The following PRKAR2A variants were observed in gnomAD, a reference collection of about 807,000 sequenced individuals.
PRKAR2A encodes the protein protein kinase cAMP-dependent type II regulatory subunit alpha.
PRKAR2A carries 29 observed loss-of-function variants against 51.9 expected under a neutral mutation model. The observed-to-expected ratio is 0.56, with a 90% CI of 0.42 to 0.76. PRKAR2A has a LOEUF of 0.76. PRKAR2A is among the 30% of genes least tolerant of loss of function. The pLI, the probability that PRKAR2A is intolerant of heterozygous loss-of-function variation, is 0.00. For synonymous variants in PRKAR2A, 178 were observed against 186.2 expected (o/e 0.96, Z 0.36); for missense variants, 445 against 512.1 (o/e 0.87, Z 1.26).
At chr3:48,764,015 T>C (rs1447274918) in intron 8 of PRKAR2A, among the ~76,000 whole-genome samples, 5 of 152,162 alleles carry the variant, frequency 3.3e-5, no homozygotes, top group Admixed American at 1.3e-4. Flanking sequence ...TGTGTTCTAG[T>C]GGGGCCAACT....
intron 1 of PRKAR2A, among the ~76,000 whole-genome samples, chr3:48,813,335 C>T (rs62261504): frequency 4.0e-5 from 6 of 151,514 alleles, no homozygotes; most frequent in South Asian, 2.1e-4. Flanking sequence ...TCCAGGAGTT[C>T]GAGGTTTCAG....
chr3:48,752,292 T>C lies in PRKAR2A; in HGVS notation c.965A>G (p.Asn322Ser). 5 of 1,614,054 alleles carry C rather than the reference T, an allele frequency of 3.1e-6. No homozygotes were observed. Among genetic ancestry groups the C allele is most frequent in the Non-Finnish European group, 4.2e-6 (5 of 1,179,998 alleles). Reference sequence around the variant, plus strand: ...GCAGCGGGCAATCTCGACCTCCTGGTTCCCACCATCCTTGTTTGATTTAGT... The same window carrying C: ...GCAGCGGGCAATCTCGACCTCCTGGCTCCCACCATCCTTGTTTGATTTAGT... ...SRTKSNKDGGNQEVEIARCHK... is the reference protein window; with the variant it reads ...SRTKSNKDGGSQEVEIARCHK... Residue 322 changes from asparagine (N) to serine (S), a missense_variant, in exon 10 of 11, where the codon AAC becomes AGC. Transcript: ENST00000265563.
chr3:48,794,154 CTTTTTTTTTTTTTT>C, intron 2 of PRKAR2A, 105 bp from the exon 3 acceptor site: 1 of 662,410 alleles, frequency 1.5e-6, no homozygotes, highest in Non-Finnish European at 2.3e-6. Flanking sequence ...GTTTTCTTTT[CTTTTTTTTTTTTTT>C]GAGACAGAGT....
At chr3:48,830,794 C>T (rs2083174502) in intron 1 of PRKAR2A, among the ~76,000 whole-genome samples, 1 of 152,172 alleles carries the variant, frequency 6.6e-6, no homozygotes, top group Non-Finnish European at 1.5e-5. Flanking sequence ...TTCAACTAGA[C>T]AGTCCCATCT....
chr3:48,748,694 CCT>C lies in PRKAR2A; in HGVS notation c.*2889_*2890del, dbSNP rs776723206. On this transcript the variant is annotated 3_prime_UTR_variant, in exon 11 of 11. Transcript: ENST00000265563. ...AATCCTTACAAGTTCTGGGGCTGGACCTCTGTGTCACTCCTGAATCCCAATGT... is the reference window on the plus strand; with the variant it reads ...AATCCTTACAAGTTCTGGGGCTGGACCTGTGTCACTCCTGAATCCCAATGT... 2 of 152,188 alleles carry C rather than the reference CCT, an allele frequency of 1.3e-5. No homozygotes were observed. The highest frequency in any genetic ancestry group is 2.9e-5 in the Non-Finnish European group (2 of 68,070). The allele number at this position is 152,188 out of a possible 1,614,324, so 9.4% of individuals were successfully genotyped here.
intron 1 of PRKAR2A, among the ~76,000 whole-genome samples, chr3:48,840,496 G>GTA (rs1433837002): frequency 8.0e-5 from 11 of 137,706 alleles, no homozygotes; most frequent in Non-Finnish European, 7.8e-5. Flanking sequence ...TCGGTCTTAT[G>GTA]TATATATATA....
Position 48,847,752 on chromosome 3 carries a change from G to A in PRKAR2A, c.-156C>T. 1.3e-6 allele frequency: 1 copy of A among 787,234 alleles called. No individual in the cohort carries two copies. The highest frequency in any genetic ancestry group is 2.9e-5 in the South Asian group (1 of 34,108). 48.8% of individuals were successfully genotyped at this position (787,234 alleles called of 1,614,324 possible). A position where few individuals can be genotyped will look rare whatever the true frequency, so the allele number is the denominator to read the frequency against. ...TCTTTGGCCGGCTCTGCGTTTCCGG[G>A]CCGCGCAACCCTACGCTACCACGGC... On this transcript the variant is annotated 5_prime_UTR_variant, in exon 1 of 11. Coordinates refer to ENST00000265563, the MANE Select transcript of PRKAR2A (RefSeq NM_004157.4). This position sits in a 1 kb window ranked among gnomAD's most constrained non-coding sequence, Gnocchi z 4.4.
intron 1 of PRKAR2A, among the ~76,000 whole-genome samples, chr3:48,819,288 T>C (rs775712766): frequency 5.9e-5 from 9 of 152,218 alleles, no homozygotes; most frequent in Non-Finnish European, 8.8e-5. Context: ...AGTGCTGGGA[T>C]TACAGGCATG....
chr3:48,780,496 G>A (rs1002029672), intron 5 of PRKAR2A, among the ~76,000 whole-genome samples: 4 of 150,718 alleles, frequency 2.7e-5, no homozygotes, highest in East Asian at 2.0e-4. Flanking sequence ...CCAGCTACTC[G>A]GGAGGCTGAG....
intron 4 of PRKAR2A, among the ~76,000 whole-genome samples, chr3:48,784,649 CA>C (rs1203050659): frequency 6.6e-6 from 1 of 152,078 alleles, no homozygotes; most frequent in Non-Finnish European, 1.5e-5. Context: ...TATAGAATAA[CA>C]GGGGCGGAAA....
intron 1 of PRKAR2A, among the ~76,000 whole-genome samples, chr3:48,824,176 G>A (rs910621191): frequency 3.9e-5 from 6 of 152,188 alleles, no homozygotes; most frequent in Non-Finnish European, 7.3e-5. Flanking sequence ...GGGAGAAGGC[G>A]GTTGCAGTGA....
chr3:48,756,285 A>G, intron 9 of PRKAR2A, 94 bp downstream of exon 9: 1 of 1,102,756 alleles, frequency 9.1e-7, no homozygotes, highest in Non-Finnish European at 1.4e-6. Context: ...TCACATAACA[A>G]TGATGGTTTG....
At chr3:48,780,219 G>A (rs1031972591) in intron 5 of PRKAR2A, among the ~76,000 whole-genome samples, 2 of 151,870 alleles carry the variant, frequency 1.3e-5, no homozygotes, top group African/African-American at 2.4e-5. Context: ...TGTGTAAGAA[G>A]TATTAGCATA....
At chr3:48,801,661 G>A (rs1218277346) in intron 2 of PRKAR2A, among the ~76,000 whole-genome samples, 4 of 152,056 alleles carry the variant, frequency 2.6e-5, no homozygotes, top group South Asian at 2.1e-4. Context: ...GCAGTGGTGC[G>A]ATCTCAGCTC....
At position 48,835,919 on chromosome 3, in the gene PRKAR2A, A is replaced by C. The variant is rs934032616; in HGVS notation, c.262+11416T>G. 2.6e-5 allele frequency among the ~76,000 whole-genome samples: 4 copies of C among 152,178 alleles called. No homozygotes were observed. In the South Asian group the frequency reaches 8.3e-4, roughly 31 times the overall value. On this transcript the variant is annotated intron_variant, in intron 1 of 10. Transcript: ENST00000265563. Reference sequence around the variant, plus strand: ...GTAATCAAGACAATGTGATATTAGCATGTGGTCAGACATATAAATCAATGG... The same window carrying C: ...GTAATCAAGACAATGTGATATTAGCCTGTGGTCAGACATATAAATCAATGG...
At chr3:48,841,937 A>T (rs1421805047) in intron 1 of PRKAR2A, among the ~76,000 whole-genome samples, 1 of 152,226 alleles carries the variant, frequency 6.6e-6, no homozygotes, top group Admixed American at 6.5e-5. Context: ...TGAAAAAGGT[A>T]TCAAAGATGA....
At chr3:48,820,980 C>T (rs2082950540) in intron 1 of PRKAR2A, among the ~76,000 whole-genome samples, 1 of 152,156 alleles carries the variant, frequency 6.6e-6, no homozygotes, top group Non-Finnish European at 1.5e-5. Context: ...GTTCCTGTTA[C>T]TCCAGGCTCC....
intron 6 of PRKAR2A, among the ~76,000 whole-genome samples, chr3:48,768,601 G>A (rs1279440018): frequency 1.3e-5 from 2 of 151,890 alleles, no homozygotes; most frequent in African/African-American, 2.4e-5. Flanking sequence ...GGGAGGCTGA[G>A]GCATGAGAAT....
At chr3:48,803,645 C>G (rs1274167522) in intron 2 of PRKAR2A, among the ~76,000 whole-genome samples, 1 of 152,122 alleles carries the variant, frequency 6.6e-6, no homozygotes, top group Non-Finnish European at 1.5e-5. Flanking sequence ...AGTCTGCTCT[C>G]AAACTCCTGG....
Sources: gnomAD v4.1 joint callset for allele counts (sites outside exome capture counted in the v4.1 genomes callset) on GRCh38, gnomAD v4.1.1 for gene constraint, Gnocchi (gnomAD v3.1) non-coding constraint, MANE v1.5 for transcripts, NCBI Gene and HGNC (gene_info 2026-07-23, HGNC 2026-07-21) for gene names.